XKR6: variants seen among roughly 807,000 people sequenced by gnomAD.
XKR6 encodes XK related 6.
In XKR6, 22 loss-of-function variants were observed where a neutral mutation model predicts 56.7. That is an observed-to-expected ratio of 0.39 (90% CI 0.28 to 0.55). The LOEUF (loss-of-function observed/expected upper bound fraction) is 0.55, where lower values mean the gene tolerates loss of function less well. Among genes scored for constraint, XKR6 ranks in the 20% least tolerant of loss-of-function variants. The pLI, the probability that XKR6 is intolerant of heterozygous loss-of-function variation, is 0.66. For synonymous variants in XKR6, 524 were observed against 387.8 expected (o/e 1.35, Z -4.13); for missense variants, 852 against 889.0 (o/e 0.96, Z 0.53).
intron 1 of XKR6, among the ~76,000 whole-genome samples, chr8:11,118,010 C>T (rs1294689239): frequency 2.0e-5 from 3 of 151,972 alleles, no homozygotes; most frequent in Non-Finnish European, 4.4e-5. Context: ...GAGGTATACA[C>T]CAGCACCAAC....
chr8:10,952,346 C>A (rs1262220148), intron 1 of XKR6, among the ~76,000 whole-genome samples: 1 of 152,230 alleles, frequency 6.6e-6, no homozygotes, highest in African/African-American at 2.4e-5. Context: ...TATGCACAGT[C>A]CATAAACCCC....
chr8:11,063,813 G>A (rs1157884224), intron 1 of XKR6, among the ~76,000 whole-genome samples: 1 of 152,154 alleles, frequency 6.6e-6, no homozygotes, highest in Non-Finnish European at 1.5e-5. Context: ...CCTGGCCACA[G>A]ATACTCTCCA....
At chr8:10,926,397 G>A (rs1249353923) in intron 1 of XKR6, among the ~76,000 whole-genome samples, 2 of 152,036 alleles carry the variant, frequency 1.3e-5, no homozygotes, top group African/African-American at 2.4e-5. Flanking sequence ...GATGAGGGGT[G>A]CCCGGCTTCT....
chr8:11,117,177 T>G (rs1799223070), intron 1 of XKR6, among the ~76,000 whole-genome samples: 1 of 152,248 alleles, frequency 6.6e-6, no homozygotes, highest in African/African-American at 2.4e-5. Flanking sequence ...AGACTGAATC[T>G]TTTTTGCAGA....
chr8:11,056,802 C>G (rs1799696173), intron 1 of XKR6, among the ~76,000 whole-genome samples: 2 of 152,334 alleles, frequency 1.3e-5, no homozygotes, highest in East Asian at 3.9e-4. Context: ...TTGGGTGCAT[C>G]TGCCTTCCTG....
intron 1 of XKR6, among the ~76,000 whole-genome samples, chr8:11,070,393 C>T (rs1024895003): frequency 3.9e-5 from 6 of 152,174 alleles, no homozygotes; most frequent in African/African-American, 1.4e-4. Flanking sequence ...CTAGATTTCA[C>T]ATATGTAGTC....
At chr8:11,192,985 G>C (rs748614795) in intron 1 of XKR6, among the ~76,000 whole-genome samples, 15 of 152,266 alleles carry the variant, frequency 9.9e-5, no homozygotes, top group East Asian at 3.9e-4. Context: ...TTCCTCATTT[G>C]TCCTGTCTAT....
chr8:10,908,194 G>A (rs1057409072), intron 2 of XKR6, among the ~76,000 whole-genome samples: 1 of 152,198 alleles, frequency 6.6e-6, no homozygotes, highest in Non-Finnish European at 1.5e-5. Flanking sequence ...GGAAGAGGCT[G>A]CTCCACAGGG....
At chr8:11,130,062 G>A (rs940774696) in intron 1 of XKR6, among the ~76,000 whole-genome samples, 2 of 151,980 alleles carry the variant, frequency 1.3e-5, no homozygotes, top group Admixed American at 6.6e-5. Flanking sequence ...GCCACAGAAA[G>A]GTAATCTCAT....
intron 1 of XKR6, among the ~76,000 whole-genome samples, chr8:11,171,221 G>A (rs1300729568): frequency 6.6e-6 from 1 of 152,208 alleles, no homozygotes; most frequent in East Asian, 1.9e-4. Context: ...TCTGTAACAT[G>A]AACTGCCATT....
intron 1 of XKR6, among the ~76,000 whole-genome samples, chr8:10,988,140 C>T (rs1448425406): frequency 6.6e-6 from 1 of 152,208 alleles, no homozygotes; most frequent in East Asian, 1.9e-4. Context: ...ATCCCCATCC[C>T]CTGCTTTGTT....
At chr8:11,109,086 G>A (rs982844607) in intron 1 of XKR6, 1 of 152,146 alleles carries the variant, frequency 6.6e-6, no homozygotes, top group African/African-American at 2.4e-5. Context: ...TGACCAAGAA[G>A]GTGCAGATTC....
intron 1 of XKR6, among the ~76,000 whole-genome samples, chr8:11,149,207 T>C (rs1801143046): frequency 6.6e-6 from 1 of 152,214 alleles, no homozygotes; most frequent in Admixed American, 6.5e-5. Context: ...ACAGTGCACT[T>C]ACACACGCCT....
At chr8:10,948,442 G>T (rs770649011) in intron 1 of XKR6, among the ~76,000 whole-genome samples, 10 of 152,160 alleles carry the variant, frequency 6.6e-5, no homozygotes, top group Admixed American at 1.3e-4. Flanking sequence ...TGCCCTGGCT[G>T]AGTGGCCTCA....
At chr8:10,977,343 T>C (rs1586382053) in intron 1 of XKR6, among the ~76,000 whole-genome samples, 1 of 152,006 alleles carries the variant, frequency 6.6e-6, no homozygotes, top group African/African-American at 2.4e-5. Flanking sequence ...TGCCCTCTGG[T>C]GGCCAACTGG....
intron 1 of XKR6, among the ~76,000 whole-genome samples, chr8:11,142,796 C>G (rs1800773911): frequency 6.6e-6 from 1 of 152,150 alleles, no homozygotes; most frequent in African/African-American, 2.4e-5. Context: ...TATAGCAACA[C>G]AAGAACAGCC....
At chr8:11,007,949 G>C (rs1798409422) in intron 1 of XKR6, among the ~76,000 whole-genome samples, 1 of 152,184 alleles carries the variant, frequency 6.6e-6, no homozygotes, top group Admixed American at 6.5e-5. Flanking sequence ...GGGCAGAGCA[G>C]AGCAGAGCAA....
At chr8:10,956,112 C>G (rs1029150238) in intron 1 of XKR6, among the ~76,000 whole-genome samples, 9 of 152,274 alleles carry the variant, frequency 5.9e-5, no homozygotes, top group South Asian at 4.1e-4. Flanking sequence ...TCTCCTGCCA[C>G]CTTGCTGCTC....
At chr8:11,107,145 T>C (rs1798708999) in intron 1 of XKR6, among the ~76,000 whole-genome samples, 1 of 151,672 alleles carries the variant, frequency 6.6e-6, no homozygotes, top group South Asian at 2.1e-4. Context: ...AAAGGAACTG[T>C]ACTATGATTA....
Sources: allele counts gnomAD v4.1 joint callset (sites outside exome capture counted in the v4.1 genomes callset), GRCh38; gene constraint gnomAD v4.1.1; transcripts MANE v1.5; gene names NCBI Gene and HGNC (gene_info 2026-07-23, HGNC 2026-07-21).